Variants in NOTCH3 observed in about 807,000 individuals in gnomAD.
NOTCH3 encodes notch receptor 3.
Under a neutral mutation model 213.3 loss-of-function variants are expected in NOTCH3, and 86 were observed. That is an observed-to-expected ratio of 0.40 (90% CI 0.34 to 0.48). NOTCH3 has a LOEUF of 0.48. NOTCH3 is among the 20% of genes least tolerant of loss of function. NOTCH3 has a pLI of 0.57. For synonymous variants in NOTCH3, 1,354 were observed against 1,355.9 expected (o/e 1.00, Z 0.03); for missense variants, 2,783 against 3,272.6 (o/e 0.85, Z 3.65).
In NOTCH3 at chr19:15,186,392, T is replaced by C. The variant is rs540719243; in HGVS notation, c.1951+486A>G. Reference sequence around the variant, plus strand: ...GTTTGTTTTTGTATGTGTGTGTGTGTGTGTGTGTGTGTGTGTGTGTGTGTG... The same window carrying C: ...GTTTGTTTTTGTATGTGTGTGTGTGCGTGTGTGTGTGTGTGTGTGTGTGTG... On this transcript the variant is annotated intron_variant, in intron 12 of 32. Coordinates refer to ENST00000263388, the MANE Select transcript of NOTCH3 (RefSeq NM_000435.3). Among the ~76,000 whole-genome samples, 13 of 126,340 alleles carry C rather than the reference T, an allele frequency of 1.0e-4. No homozygotes were observed. In the South Asian group the frequency reaches 2.0e-3, roughly 20 times the overall value. The allele number at this position is 126,340 out of a possible 152,430, so 82.9% of individuals were successfully genotyped here.
intron 32 of NOTCH3, among the ~76,000 whole-genome samples, chr19:15,162,144 G>A (rs1175581118): frequency 1.3e-5 from 2 of 151,794 alleles, no homozygotes; most frequent in Non-Finnish European, 2.9e-5. Context: ...ACTACGCCCA[G>A]CTAATTTTTG....
intron 12 of NOTCH3, among the ~76,000 whole-genome samples, chr19:15,186,106 G>T (rs11085949): frequency 0.87 from 132,024 of 151,892 alleles, 57,572 homozygotes; most frequent in African/African-American, 0.91. Flanking sequence ...GTTTATCTAC[G>T]TATTGACTAA....
Position 15,187,892 on chromosome 19 carries a change from C to G in NOTCH3, c.1595G>C (p.Arg532Pro). 6.5e-7 allele frequency: 1 copy of G among 1,548,846 alleles called. No individual in the cohort carries two copies. Among genetic ancestry groups the G allele is most frequent in the Non-Finnish European group, 8.7e-7 (1 of 1,146,532 alleles). Reference protein sequence around the residue: ...CVDQPDGYECRCAEGFEGTLC... With the variant: ...CVDQPDGYECPCAEGFEGTLC... ...TTGGCCCGCCTCACCCTCGGCACAG[C>G]GGCACTCGTAGCCATCGGGCTGGTC... The change falls in exon 10 of 33, where the codon CGC becomes CCC. Residue 532 changes from arginine (R) to proline (P), a missense_variant. By Grantham distance (103) the Arg-to-Pro change is moderately radical. Transcript: ENST00000263388.
chr19:15,189,649 C>T (rs1019611915), intron 6 of NOTCH3, among the ~76,000 whole-genome samples: 2 of 152,142 alleles, frequency 1.3e-5, no homozygotes, highest in East Asian at 1.9e-4. Context: ...TCCCGAGTAG[C>T]TGGGATTACA....
At chr19:15,199,032 C>T (rs1036273986) in intron 1 of NOTCH3, among the ~76,000 whole-genome samples, 10 of 152,216 alleles carry the variant, frequency 6.6e-5, no homozygotes, top group Non-Finnish European at 1.3e-4. Flanking sequence ...ACAGGACAAG[C>T]CGACTGGACA....
In NOTCH3 at chr19:15,160,955, C is replaced by T. The variant is rs753070429; in HGVS notation, c.6673G>A (p.Gly2225Arg). The T allele has an allele frequency of 1.9e-6, 3 of 1,587,984 alleles. No homozygotes were observed. Among genetic ancestry groups the T allele is most frequent in the Admixed American group, 1.8e-5 (1 of 55,926 alleles). The change falls in exon 33 of 33, where the codon GGG becomes AGG. Residue 2225 changes from glycine to arginine, a missense_variant. Physicochemically the swap from Gly to Arg is moderately radical, Grantham distance 125 (BLOSUM62 -2). Transcript: ENST00000263388. ...PGHGEEYPAAGAHSSPPKARF... is the reference protein window; with the variant it reads ...PGHGEEYPAARAHSSPPKARF... ...GCCTTTGGGGGGCTGCTGTGTGCCC[C>T]AGCCGCCGGGTACTCCTCGCCATGT...
At position 15,185,389 on chromosome 19, in the gene NOTCH3, G is replaced by A. The variant is rs755670543; in HGVS notation, c.2164C>T (p.Pro722Ser). Residue 722 changes from proline (P) to serine (S), a missense_variant, in exon 14 of 33, where the codon CCT becomes TCT. By Grantham distance (74) the Pro-to-Ser change is moderately conservative. This residue lies in a region of NOTCH3 where 861 missense variants were observed against 909.1 expected (regional missense o/e 0.95). Transcript: ENST00000263388. The surrounding 1 kb of genome is among the most constrained non-coding windows in gnomAD (Gnocchi z 4.2). ...CTGCAGCGGGGGCCACTCCAGCCAG[G>A]CTCACACACACAGCGGAACCTGGCA... ...APGGFRCVCE[P>S]GWSGPRCSQS... 6.2e-7 allele frequency: 1 copy of A among 1,612,262 alleles called. No homozygotes were observed. Among genetic ancestry groups the A allele is most frequent in the African/African-American group, 1.3e-5 (1 of 75,018 alleles).
chr19:15,169,560 G>A (rs376695864), intron 28 of NOTCH3, among the ~76,000 whole-genome samples: 1 of 152,076 alleles, frequency 6.6e-6, no homozygotes, highest in African/African-American at 2.4e-5. Flanking sequence ...TAGTACAGAC[G>A]GGGTTTCACC....
intron 19 of NOTCH3, 133 bp from the exon 20 acceptor site, chr19:15,180,389 C>T (rs2145420962): frequency 9.8e-7 from 1 of 1,024,994 alleles, no homozygotes; most frequent in East Asian, 2.6e-5. Flanking sequence ...CAGGTTGTCA[C>T]ACATCCCCCC....
intron 2 of NOTCH3, among the ~76,000 whole-genome samples, chr19:15,194,628 G>A (rs1457082257): frequency 2.0e-5 from 3 of 152,070 alleles, no homozygotes; most frequent in Admixed American, 6.6e-5. Flanking sequence ...TCTGGGGAAC[G>A]GCATTCCAGG....
In NOTCH3 at chr19:15,161,300, G is replaced by T. The variant is rs1182227955; in HGVS notation, c.6328C>A (p.Pro2110Thr). 6.5e-7 allele frequency: 1 copy of T among 1,532,486 alleles called. No individual in the cohort carries two copies. Among genetic ancestry groups the T allele is most frequent in the Non-Finnish European group, 8.8e-7 (1 of 1,142,212 alleles). 94.9% of individuals were successfully genotyped at this position (1,532,486 alleles called of 1,614,324 possible). ...GGGGAAGCAGGGGGCCCACCGAAAG[G>T]CCGCGGGGAGTCCAGCGAGTCCACG... ...SPVDSLDSPR[P>T]FGGPPASPGG... is the part of the protein sequence containing the mutation. Residue 2110 changes from proline to threonine, a missense_variant, in exon 33 of 33, where the codon CCT (proline) becomes ACT (threonine). Around this residue, in one of 6 missense-constraint regions of NOTCH3, gnomAD observed 441 missense variants for 432.1 expected, o/e 1.02. Coordinates refer to ENST00000263388, the MANE Select transcript of NOTCH3 (RefSeq NM_000435.3).
rs1292790013 is a variant in NOTCH3, at chr19:15,191,803, C to T, written c.744G>A (p.Gly248=). The T allele has an allele frequency of 6.2e-7, 1 of 1,613,982 alleles. No individual in the cohort carries two copies. Among genetic ancestry groups the T allele is most frequent in the South Asian group, 1.1e-5 (1 of 91,086 alleles). The part of the protein sequence containing the change: ...DDCPGHRCLN[G]GTCVDGVNTY... The stretch of plus-strand genomic sequence containing the variant: ...TGTTGACGCCATCCACGCATGTCCC[C>T]CCATTGAGACATCGGTGTCCTGGAC... Residue 248 remains glycine (G), a synonymous_variant, in exon 5 of 33, where the codon GGG becomes GGA. Coordinates refer to ENST00000263388, the MANE Select transcript of NOTCH3 (RefSeq NM_000435.3).
At chr19:15,200,656 GC>G in intron 1 of NOTCH3, 131 bp downstream of exon 1, 1 of 629,366 alleles carries the variant, frequency 1.6e-6, no homozygotes, top group Non-Finnish European at 2.2e-6. Context: ...CTGGCATGAA[GC>G]CCGGGGCTCC....
chr19:15,193,359 C>T (rs972085693), intron 2 of NOTCH3, among the ~76,000 whole-genome samples: 6 of 151,876 alleles, frequency 4.0e-5, no homozygotes, highest in African/African-American at 1.5e-4. Flanking sequence ...GTCTCAGCCT[C>T]CTGCGTAGCT....
Position 15,165,769 on chromosome 19 carries a change from A to C in NOTCH3, c.5667+18T>G. The C allele has an allele frequency of 6.2e-7, 1 of 1,608,948 alleles. No individual in the cohort carries two copies. The highest frequency in any genetic ancestry group is 1.1e-5 in the South Asian group (1 of 91,054). On this transcript the variant is annotated intron_variant, in intron 30 of 32. Coordinates refer to ENST00000263388, the MANE Select transcript of NOTCH3 (RefSeq NM_000435.3). The surrounding 1 kb of genome is among the most constrained non-coding windows in gnomAD (Gnocchi z 4.7). ...TGCCTGCCCCAGCTCTGAGGTCCAA[A>C]GTGTGTGCCTATCTCACCTGGAAGA...
At chr19:15,172,849 T>C (rs1336487216) in intron 25 of NOTCH3, among the ~76,000 whole-genome samples, 1 of 151,230 alleles carries the variant, frequency 6.6e-6, no homozygotes, top group Non-Finnish European at 1.5e-5. Flanking sequence ...GTATTTTTAG[T>C]AGAGACAGGG....
At position 15,177,750 on chromosome 19, in the gene NOTCH3, T is replaced by C; in HGVS notation, c.4178A>G (p.Gln1393Arg). The change falls in exon 24 of 33, where the codon CAG becomes CGG. Residue 1393 changes from glutamine to arginine, a missense_variant. This residue lies in a region of NOTCH3 where 133 missense variants were observed against 201.9 expected (regional missense o/e 0.66). Transcript: ENST00000263388. ...GCAGCGCTGGTCCCCGCGCTTGGCC[T>C]GGCAGGCGGCGCGCGGGCACCGCGG... ...EEPRCPRAAC[Q>R]AKRGDQRCDR... 7.1e-7 allele frequency: 1 copy of C among 1,404,928 alleles called. No homozygotes were observed. Among genetic ancestry groups the C allele is most frequent in the Non-Finnish European group, 9.2e-7 (1 of 1,088,952 alleles). 87.0% of individuals were successfully genotyped at this position (1,404,928 alleles called of 1,614,324 possible).
intron 1 of NOTCH3, among the ~76,000 whole-genome samples, chr19:15,200,311 G>A (rs1307268066): frequency 6.6e-5 from 10 of 151,266 alleles, no homozygotes; most frequent in Non-Finnish European, 1.3e-4. Context: ...CGAGTTCAGA[G>A]CTCCCAGAAC....
At chr19:15,184,147 C>A in intron 16 of NOTCH3, 148 bp downstream of exon 16, 1 of 782,634 alleles carries the variant, frequency 1.3e-6, no homozygotes, top group Non-Finnish European at 2.1e-6. Context: ...AGTCACTCAA[C>A]CTCCTCGGGC....
Sources: gnomAD v4.1 joint callset for allele counts (sites outside exome capture counted in the v4.1 genomes callset) on GRCh38, gnomAD v4.1.1 for gene constraint, gnomAD v4.1.1 regional missense constraint, Gnocchi (gnomAD v3.1) non-coding constraint, MANE v1.5 for transcripts, NCBI Gene and HGNC (gene_info 2026-07-23, HGNC 2026-07-21) for gene names.